ZFHX3: variants seen among roughly 807,000 people sequenced by gnomAD.
ZFHX3 encodes zinc finger homeobox 3, also known as zinc finger homeobox protein 3.
In ZFHX3, 42 loss-of-function variants were observed where a neutral mutation model predicts 279.1. That is an observed-to-expected ratio of 0.15 (90% CI 0.12 to 0.19). The LOEUF is 0.19. ZFHX3 is among the 10% of genes least tolerant of loss of function. The probability of loss-of-function intolerance (pLI) is 1.00; values close to 1 mark genes in which losing one functional copy is unlikely to be tolerated. For missense variants in ZFHX3, 4,981 were observed against 4,754.0 expected (o/e 1.05, Z -1.40); for synonymous variants, 2,293 against 1,957.8 (o/e 1.17, Z -4.52).
chr16:72,799,987 C>T (rs758527573), intron 8 of ZFHX3, 40 bp downstream of exon 8: 1 of 1,582,668 alleles, frequency 6.3e-7, no homozygotes, highest in East Asian at 2.2e-5. Context: ...GGCATTCCAT[C>T]TTGTTTCAAT....
chr16:73,750,003 C>T (rs2053746670), intron 1 of ZFHX3, among the ~76,000 whole-genome samples: 1 of 152,200 alleles, frequency 6.6e-6, no homozygotes, highest in Non-Finnish European at 1.5e-5. Flanking sequence ...TATGTATCTA[C>T]TCACCTGGCC....
chr16:72,906,881 G>A (rs915298117), intron 3 of ZFHX3, among the ~76,000 whole-genome samples: 4 of 152,214 alleles, frequency 2.6e-5, no homozygotes, highest in African/African-American at 9.6e-5. Flanking sequence ...AGCAAAGGAG[G>A]TGGGTGGAAG....
chr16:72,920,908 C>CA (rs1017706656), intron 3 of ZFHX3, among the ~76,000 whole-genome samples: 1 of 151,584 alleles, frequency 6.6e-6, no homozygotes, highest in Non-Finnish European at 1.5e-5. Context: ...CCCATATCTA[C>CA]AAAAAATAAA....
chr16:73,785,250 C>T (rs958547935), intron 1 of ZFHX3, among the ~76,000 whole-genome samples: 1 of 152,082 alleles, frequency 6.6e-6, no homozygotes, highest in African/African-American at 2.4e-5. Context: ...TTCTTTTGTA[C>T]CAACTTTTTG....
chr16:73,879,155 C>T (rs1365870667), intron 1 of ZFHX3, among the ~76,000 whole-genome samples: 1 of 151,470 alleles, frequency 6.6e-6, no homozygotes, highest in Non-Finnish European at 1.5e-5. Flanking sequence ...TCCTTTTCTG[C>T]AATCTCTAGC....
At chr16:73,811,549 AT>A (rs1341036349) in intron 1 of ZFHX3, among the ~76,000 whole-genome samples, 1 of 147,530 alleles carries the variant, frequency 6.8e-6, no homozygotes, top group Non-Finnish European at 1.5e-5. Flanking sequence ...GGTTCAAGCG[AT>A]TCTCCTGCCT....
chr16:73,258,180 G>A (rs1243028615), intron 4 of ZFHX3, among the ~76,000 whole-genome samples: 1 of 152,004 alleles, frequency 6.6e-6, no homozygotes, highest in Non-Finnish European at 1.5e-5. Context: ...TTTCAAACAA[G>A]CATTCTTATT....
chr16:73,606,180 T>TAAA (rs35080897), intron 2 of ZFHX3, among the ~76,000 whole-genome samples: 2 of 35,196 alleles, frequency 5.7e-5, no homozygotes, highest in African/African-American at 3.0e-4. Context: ...AGGCTCCATC[T>TAAA]AAAAAAAAAA....
chr16:72,967,713 G>A (rs1258774693), intron 1 of ZFHX3, among the ~76,000 whole-genome samples: 5 of 149,338 alleles, frequency 3.3e-5, no homozygotes, highest in South Asian at 2.1e-4. Context: ...CCAGGTAATC[G>A]AGACCATCCT....
chr16:73,045,937 T>C, intron 1 of ZFHX3, among the ~76,000 whole-genome samples: 1 of 152,114 alleles, frequency 6.6e-6, no homozygotes, highest in East Asian at 1.9e-4. Context: ...ATCTGCTCCA[T>C]GTTGTTAAAT....
At chr16:73,408,690 G>A (rs1367518433) in intron 3 of ZFHX3, among the ~76,000 whole-genome samples, 2 of 152,114 alleles carry the variant, frequency 1.3e-5, no homozygotes, top group African/African-American at 2.4e-5. Flanking sequence ...GGACAGCGGT[G>A]GCCTGGACAT....
At chr16:73,814,441 T>C (rs968733013) in intron 1 of ZFHX3, among the ~76,000 whole-genome samples, 3 of 152,242 alleles carry the variant, frequency 2.0e-5, no homozygotes, top group Non-Finnish European at 4.4e-5. Context: ...GGGTCTTTCT[T>C]CAAAATTTAA....
chr16:73,571,589 T>A (rs2051736708), intron 2 of ZFHX3, among the ~76,000 whole-genome samples: 1 of 152,180 alleles, frequency 6.6e-6, no homozygotes, highest in Non-Finnish European at 1.5e-5. Context: ...CTTTGGTGTA[T>A]GGTATACAGA....
At chr16:72,889,605 G>A in intron 4 of ZFHX3, 126 bp downstream of exon 4, 1 of 850,324 alleles carries the variant, frequency 1.2e-6, no homozygotes, top group African/African-American at 1.7e-5. Flanking sequence ...CACCTGTGAA[G>A]TCAGTAAGGA....
chr16:73,164,336 T>C (rs1368126372), intron 5 of ZFHX3, among the ~76,000 whole-genome samples: 12 of 152,174 alleles, frequency 7.9e-5, no homozygotes, highest in Non-Finnish European at 1.6e-4. Flanking sequence ...ACTCATCCTC[T>C]TGAAAGCCTG....
At chr16:73,520,996 T>G (rs1468645495) in intron 2 of ZFHX3, among the ~76,000 whole-genome samples, 2 of 152,158 alleles carry the variant, frequency 1.3e-5, no homozygotes, top group Non-Finnish European at 2.9e-5. Context: ...TACAAAATAA[T>G]CCTTGGACCC....
At chr16:73,483,457 GGGCTGTGCTCTGCCAATTCAAAT>G (rs1480886968) in intron 2 of ZFHX3, 32 of 449,132 alleles carry the variant, frequency 7.1e-5, no homozygotes, top group Admixed American at 2.7e-4. Context: ...AAAAGCATGG[GGGCTGTGCTCTGCCAATTCAAAT>G]GGCAGTTCCG....
At chr16:73,233,737 T>G (rs1358976729) in intron 5 of ZFHX3, 6 of 152,210 alleles carry the variant, frequency 3.9e-5, no homozygotes, top group Non-Finnish European at 7.3e-5. Context: ...TCTTTCTGGG[T>G]GTTCAGTTAA....
chr16:72,796,611 T>G lies in ZFHX3; in HGVS notation c.6071A>C (p.Asp2024Ala). Residue 2024 changes from aspartate (D) to alanine (A), a missense_variant, in exon 9 of 10, where the codon GAC (aspartate) becomes GCC (alanine). Physicochemically the swap from Asp to Ala is moderately radical, Grantham distance 126 (BLOSUM62 -2). Around this residue, in one of 7 missense-constraint regions of ZFHX3, gnomAD observed 1,751 missense variants for 1,770.0 expected, o/e 0.99. Transcript: ENST00000268489. ...CAGTGGGTACAGTTTATCGTAGTGG[T>G]CTCTGTACTGTTTGGCAAACCTCTC... ...QLERFAKQYRDHYDKLYPLRP... is the reference protein window; with the variant it reads ...QLERFAKQYRAHYDKLYPLRP... 1.2e-6 allele frequency: 2 copies of G among 1,613,884 alleles called. No homozygotes were observed. Among genetic ancestry groups the G allele is most frequent in the Non-Finnish European group, 1.7e-6 (2 of 1,179,982 alleles).
Sources: gnomAD v4.1 joint callset for allele counts (sites outside exome capture counted in the v4.1 genomes callset) on GRCh38, gnomAD v4.1.1 for gene constraint, gnomAD v4.1.1 regional missense constraint, MANE v1.5 for transcripts, NCBI Gene and HGNC (gene_info 2026-07-23, HGNC 2026-07-21) for gene names.